ANK2: variants seen among roughly 807,000 people sequenced by gnomAD.
The protein encoded by ANK2 is ankyrin-2.
ANK2 carries 83 observed loss-of-function variants against 360.5 expected under a neutral mutation model. The ratio of observed to expected loss-of-function variants is 0.23; its 90% CI spans 0.19 to 0.28. The LOEUF is 0.28. Ranked by LOEUF, ANK2 falls within the 10% of genes least tolerant of loss-of-function variation. ANK2 has a pLI of 1.00. For missense variants in ANK2, 4,201 were observed against 4,795.7 expected (o/e 0.88, Z 3.66); for synonymous variants, 1,740 against 1,759.5 (o/e 0.99, Z 0.28).
chr4:113,185,531 C>G (rs1230702286), intron 2 of ANK2, among the ~76,000 whole-genome samples: 1 of 152,186 alleles, frequency 6.6e-6, no homozygotes, highest in Non-Finnish European at 1.5e-5. Context: ...AGTGTCTGTT[C>G]ATATCCTTTG....
rs539656934 is a variant in ANK2 at position 113,277,780 on chromosome 4, T to G, written c.1684-57T>G. ...CTCAATATGTTAACAAATAAAAAGA[T>G]TTTTTGAGGAGTTACAACAATAAAT... is the stretch of plus-strand genomic sequence containing the variant. On this transcript the variant is annotated intron_variant, in intron 15 of 45. Transcript: ENST00000357077. The G allele has an allele frequency of 3.3e-5, 47 of 1,411,012 alleles. 1 individual carries two copies. The African/African-American group carries it at 3.7e-4, about 11-fold the overall frequency. The allele number at this position is 1,411,012 out of a possible 1,614,324, so 87.4% of individuals were successfully genotyped here. A position where few individuals can be genotyped will look rare whatever the true frequency, so the allele number is the denominator to read the frequency against.
intron 2 of ANK2, among the ~76,000 whole-genome samples, chr4:112,999,454 A>G (rs1264196502): frequency 6.6e-6 from 1 of 152,170 alleles, no homozygotes; most frequent in Admixed American, 6.5e-5. Context: ...ATGGGGCACC[A>G]CGAAACTAAG....
intron 4 of ANK2, among the ~76,000 whole-genome samples, chr4:113,226,303 G>A (rs989237319): frequency 6.6e-6 from 1 of 152,078 alleles, no homozygotes; most frequent in African/African-American, 2.4e-5. Flanking sequence ...TCCTCAGCAC[G>A]GCAGACAGGG....
At position 113,354,030 on chromosome 4, in the gene ANK2, G is replaced by A; in HGVS notation, c.5412G>A (p.Arg1804=). 1.9e-6 allele frequency: 3 copies of A among 1,614,006 alleles called. No homozygotes were observed. The highest frequency in any genetic ancestry group is 2.5e-6 in the Non-Finnish European group (3 of 1,179,972). ...ACGTGCCAAAAAAGACCACCCACAG[G>A]CCACATCCAGCTGCGTCACCCTCTC... ...KEDVPKKTTH[R]PHPAASPSLK... Residue 1804 remains arginine (R), a synonymous_variant, in exon 38 of 46, where the codon AGG becomes AGA. Coordinates refer to ENST00000357077, the MANE Select transcript of ANK2 (RefSeq NM_001148.6).
At position 113,254,787 on chromosome 4, in the gene ANK2, A is replaced by G. The variant is rs372324631; in HGVS notation, c.991-948A>G. Among the ~76,000 whole-genome samples, 35 of 152,288 alleles carry G rather than the reference A, an allele frequency of 2.3e-4. No homozygotes were observed. In the South Asian group the frequency reaches 4.4e-3, roughly 19 times the overall value. On this transcript the variant is annotated intron_variant, in intron 10 of 45. Transcript: ENST00000357077. ...CTTTTCTGGTAAAATATCCAGATAC[A>G]ATTTCTGCTTTGTTGAATGTAATGA...
chr4:113,318,523 A>C lies in ANK2; in HGVS notation c.2803A>C (p.Thr935Pro), dbSNP rs756666052. The C allele has an allele frequency of 6.2e-7, 1 of 1,613,228 alleles. No homozygotes were observed. The highest frequency in any genetic ancestry group is 1.3e-5 in the African/African-American group (1 of 74,910). ...SVVIPSHQVS[T>P]LAKEAERNSY... is the part of the protein sequence containing the mutation. ...CAGTGTTCTTTGTGTTTAGGTGTCA[A>C]CTCTAGCCAAGGAGGCAGAAAGGAA... The change falls in exon 26 of 46, where the codon ACT becomes CCT. Residue 935 changes from threonine to proline, a missense_variant. Around this residue, in one of 4 missense-constraint regions of ANK2, gnomAD observed 1,268 missense variants for 1,650.8 expected, o/e 0.77. Transcript: ENST00000357077.
chr4:112,760,197 T>C, the ANK2 span, among the ~76,000 whole-genome samples: 1 of 151,738 alleles, frequency 6.6e-6, no homozygotes, highest in Admixed American at 6.6e-5. Flanking sequence ...TCTTTTTTTT[T>C]TTTTTTTGAG....
At chr4:113,104,588 G>A (rs1010983287) in intron 1 of ANK2, among the ~76,000 whole-genome samples, 2 of 152,128 alleles carry the variant, frequency 1.3e-5, no homozygotes, top group African/African-American at 2.4e-5. Flanking sequence ...GGTAACACAC[G>A]TCTGTGGTCT....
chr4:113,187,195 C>T (rs1037048016), intron 2 of ANK2, among the ~76,000 whole-genome samples: 1 of 152,052 alleles, frequency 6.6e-6, no homozygotes, highest in African/African-American at 2.4e-5. Context: ...TCAGTGAAGG[C>T]TGTTACTGCC....
Position 113,267,796 on chromosome 4 carries a change from G to A in ANK2, c.1485+2801G>A, listed in dbSNP as rs112269507. On this transcript the variant is annotated intron_variant, in intron 14 of 45. Coordinates refer to ENST00000357077, the MANE Select transcript of ANK2 (RefSeq NM_001148.6). ...TTCTAATTCTGTGAAGAAAATCAAC[G>A]GTAGCTTGATGGGGATAGCATTGAA... Among the ~76,000 whole-genome samples, 354 of 152,254 alleles carry A rather than the reference G, an allele frequency of 2.3e-3. 2 individuals are homozygous for A. Among genetic ancestry groups the A allele is most frequent in the African/African-American group, 8.0e-3 (333 of 41,552 alleles).
chr4:112,753,535 G>A, the ANK2 span, among the ~76,000 whole-genome samples: 1 of 152,148 alleles, frequency 6.6e-6, no homozygotes, highest in Non-Finnish European at 1.5e-5. Context: ...TTCCCAGAAG[G>A]TTAAGGCATT....
At chr4:112,779,857 A>C in the ANK2 span, among the ~76,000 whole-genome samples, 2 of 152,166 alleles carry the variant, frequency 1.3e-5, no homozygotes, top group Non-Finnish European at 2.9e-5. Context: ...GCAGGGCATC[A>C]TTATTTCCTT....
At chr4:113,142,819 A>G (rs2096683274) in intron 1 of ANK2, among the ~76,000 whole-genome samples, 2 of 152,124 alleles carry the variant, frequency 1.3e-5, no homozygotes, top group African/African-American at 4.8e-5. Flanking sequence ...TGGTTGGTTC[A>G]TACTCTCAGT....
chr4:112,727,933 C>T, the ANK2 span, among the ~76,000 whole-genome samples: 120 of 152,108 alleles, frequency 7.9e-4, no homozygotes, highest in African/African-American at 2.7e-3. Flanking sequence ...GCCGAGATCG[C>T]GCCATTGCAC....
At chr4:113,228,459 C>T (rs1428499187) in intron 4 of ANK2, among the ~76,000 whole-genome samples, 1 of 152,138 alleles carries the variant, frequency 6.6e-6, no homozygotes, top group African/African-American at 2.4e-5. Flanking sequence ...TCCTGAGTTT[C>T]TTCACTTATA....
At chr4:112,886,430 C>T (rs1350112906) in intron 1 of ANK2, among the ~76,000 whole-genome samples, 6 of 151,764 alleles carry the variant, frequency 4.0e-5, no homozygotes, top group South Asian at 2.1e-4. Context: ...TTAGGGAGGC[C>T]GAGGCGGGCA....
intron 1 of ANK2, among the ~76,000 whole-genome samples, chr4:112,868,457 C>T (rs1158343794): frequency 6.6e-6 from 1 of 152,186 alleles, no homozygotes; most frequent in Non-Finnish European, 1.5e-5. Flanking sequence ...TATAACAACC[C>T]ACTCTCACAA....
At chr4:113,014,445 G>C (rs2055843070) in intron 2 of ANK2, among the ~76,000 whole-genome samples, 2 of 152,176 alleles carry the variant, frequency 1.3e-5, no homozygotes, top group Admixed American at 6.5e-5. Context: ...GAGTGAGGTT[G>C]AAAAACTCAC....
chr4:113,049,585 T>A (rs2065984589), upstream of ANK2: 5 of 1,484,414 alleles, frequency 3.4e-6, no homozygotes, highest in Non-Finnish European at 4.5e-6. Flanking sequence ...CATGGCAACG[T>A]CACCGTCCTT....
Sources: gnomAD v4.1 joint callset for allele counts (sites outside exome capture counted in the v4.1 genomes callset) on GRCh38, gnomAD v4.1.1 for gene constraint, gnomAD v4.1.1 regional missense constraint, MANE v1.5 for transcripts, NCBI Gene and HGNC (gene_info 2026-07-23, HGNC 2026-07-21) for gene names.